STRN: variants seen among roughly 807,000 people sequenced by gnomAD.
The protein encoded by STRN is striatin, also known as protein phosphatase 2 regulatory subunit B'''alpha.
A neutral mutation model predicts 96.3 loss-of-function variants in STRN; 53 were observed. The observed-to-expected ratio is 0.55, with a 90% CI of 0.44 to 0.69. The LOEUF (loss-of-function observed/expected upper bound fraction) is 0.69, where lower values mean the gene tolerates loss of function less well. Among genes scored for constraint, STRN ranks in the 30% least tolerant of loss-of-function variants. The pLI is 0.00. For synonymous variants in STRN, 428 were observed against 355.9 expected (o/e 1.20, Z -2.28); for missense variants, 987 against 963.9 (o/e 1.02, Z -0.32).
intron 1 of STRN, among the ~76,000 whole-genome samples, chr2:36,950,348 T>C (rs747700204): frequency 6.6e-6 from 1 of 151,708 alleles, no homozygotes. Flanking sequence ...CCTGAGTAGC[T>C]GGGATTACAG....
At chr2:36,953,178 C>A (rs1232533537) in intron 1 of STRN, among the ~76,000 whole-genome samples, 1 of 152,054 alleles carries the variant, frequency 6.6e-6, no homozygotes, top group Non-Finnish European at 1.5e-5. Flanking sequence ...TTGCCACACC[C>A]AAAATACCTA....
intron 10 of STRN, among the ~76,000 whole-genome samples, chr2:36,870,430 G>A (rs974452086): frequency 6.6e-6 from 1 of 152,118 alleles, no homozygotes; most frequent in African/African-American, 2.4e-5. Flanking sequence ...ATCAGACTAA[G>A]TTTAAATAAG....
intron 1 of STRN, among the ~76,000 whole-genome samples, chr2:36,936,596 A>C (rs1389696275): frequency 6.6e-6 from 1 of 152,214 alleles, no homozygotes; most frequent in Non-Finnish European, 1.5e-5. Context: ...CATGTATGTA[A>C]GTGACTAATA....
At chr2:36,891,552 T>C (rs1359899309) in intron 7 of STRN, among the ~76,000 whole-genome samples, 1 of 152,092 alleles carries the variant, frequency 6.6e-6, no homozygotes, top group East Asian at 1.9e-4. Context: ...AATGCCCTTA[T>C]TATAATGGTT....
intron 7 of STRN, among the ~76,000 whole-genome samples, chr2:36,887,968 C>A (rs1669283919): frequency 6.6e-6 from 1 of 152,182 alleles, no homozygotes. Flanking sequence ...ATTAGGAAGT[C>A]TAACAGATAC....
At chr2:36,964,684 A>G in intron 1 of STRN, among the ~76,000 whole-genome samples, 1 of 152,208 alleles carries the variant, frequency 6.6e-6, no homozygotes, top group Middle Eastern at 3.2e-3. Context: ...CATCTCTCAG[A>G]GGCCTACCCT....
chr2:36,863,392 T>C (rs1253623054), intron 12 of STRN, among the ~76,000 whole-genome samples: 1 of 152,248 alleles, frequency 6.6e-6, no homozygotes, highest in East Asian at 1.9e-4. Flanking sequence ...CTTCTGCATA[T>C]GGCTAGCCAT....
rs552088090 is a variant in STRN, at chr2:36,906,439, A to G, written c.413-821T>C. On this transcript the variant is annotated intron_variant, in intron 3 of 17. Coordinates refer to ENST00000263918, the MANE Select transcript of STRN (RefSeq NM_003162.4). ...GTGCCACTGTACTCCAGCCTAGGCAACAGAGGGAGGCTCTGTCTCAAAACA... is the reference window on the plus strand; with the variant it reads ...GTGCCACTGTACTCCAGCCTAGGCAGCAGAGGGAGGCTCTGTCTCAAAACA... 1.6e-3 allele frequency among the ~76,000 whole-genome samples: 248 copies of G among 150,812 alleles called. 1 individual carries two copies. The highest frequency in any genetic ancestry group is 2.9e-3 in the Admixed American group (44 of 15,100).
At chr2:36,858,747 G>A (rs1177258070) in intron 13 of STRN, among the ~76,000 whole-genome samples, 6 of 152,206 alleles carry the variant, frequency 3.9e-5, no homozygotes, top group African/African-American at 1.4e-4. Context: ...TATATCCTCT[G>A]TCACACATAC....
Position 36,881,068 on chromosome 2 carries a change from A to AAAAACAAAAC in STRN, c.1186+2854_1186+2863dup, listed in dbSNP as rs3081782. 4.0e-5 allele frequency among the ~76,000 whole-genome samples: 6 copies of AAAAACAAAAC among 151,108 alleles called. No individual in the cohort carries two copies. In the East Asian group the frequency reaches 5.8e-4, roughly 15 times the overall value. ...TCCTAGCCCTAATCAGCTTTTACCAAAAAACAAAACAAAACAAAACCCTGT... is the reference window on the plus strand; with the variant it reads ...TCCTAGCCCTAATCAGCTTTTACCAAAAAACAAAACAAAACAAAACAAAACAAAACCCTGT... On this transcript the variant is annotated intron_variant, in intron 9 of 17. Coordinates refer to ENST00000263918, the MANE Select transcript of STRN (RefSeq NM_003162.4).
chr2:36,868,002 T>G, intron 11 of STRN, 141 bp from the exon 12 acceptor site: 1 of 472,276 alleles, frequency 2.1e-6, no homozygotes, highest in Non-Finnish European at 3.7e-6. Flanking sequence ...GAAAGCTTAC[T>G]TAACACCAAT....
At chr2:36,903,743 T>C (rs1207965151) in intron 4 of STRN, among the ~76,000 whole-genome samples, 2 of 152,218 alleles carry the variant, frequency 1.3e-5, no homozygotes, top group Non-Finnish European at 2.9e-5. Context: ...TAAGTGTATC[T>C]TACCAAATCA....
intron 9 of STRN, among the ~76,000 whole-genome samples, chr2:36,880,467 C>T (rs1192769165): frequency 2.0e-5 from 3 of 152,142 alleles, no homozygotes; most frequent in Non-Finnish European, 2.9e-5. Context: ...TAGTTACTTG[C>T]TTTTAAAAAC....
chr2:36,900,745 T>C (rs554885731), intron 5 of STRN, among the ~76,000 whole-genome samples: 11 of 151,858 alleles, frequency 7.2e-5, no homozygotes, highest in Non-Finnish European at 1.3e-4. Context: ...ATACAAAAAT[T>C]AGCTGGGTGT....
chr2:36,958,797 A>G (rs963015874), intron 1 of STRN, among the ~76,000 whole-genome samples: 3 of 152,172 alleles, frequency 2.0e-5, no homozygotes, highest in Non-Finnish European at 4.4e-5. Context: ...CCACAAATTC[A>G]AGGAGTCTAA....
chr2:36,869,700 C>T lies in STRN; in HGVS notation c.1353G>A (p.Lys451=), dbSNP rs759751534. 1.9e-6 allele frequency: 3 copies of T among 1,607,800 alleles called. No individual in the cohort carries two copies. The East Asian group carries it at 6.7e-5, about 36-fold the overall frequency. ...DIANNKDALR[K]TWNPKFTLRS... is the part of the protein sequence containing the mutation. Reference sequence around the variant, plus strand: ...TCAATGTAAACTTAGGGTTCCATGTCTTCCTCAATGCATCTTTATTGTTTG... The same window carrying T: ...TCAATGTAAACTTAGGGTTCCATGTTTTCCTCAATGCATCTTTATTGTTTG... The change falls in exon 11 of 18, where the codon AAG becomes AAA. Residue 451 remains lysine, a synonymous_variant. Coordinates refer to ENST00000263918, the MANE Select transcript of STRN (RefSeq NM_003162.4).
At chr2:36,852,456 C>T (rs559711852) in intron 15 of STRN, among the ~76,000 whole-genome samples, 3 of 152,210 alleles carry the variant, frequency 2.0e-5, no homozygotes, top group African/African-American at 7.2e-5. Flanking sequence ...TACACTACAT[C>T]AGAGAATGCC....
Position 36,912,345 on chromosome 2 carries a change from C to G in STRN, c.412+3733G>C, listed in dbSNP as rs527636370. ...CCTTCACCTTCACAACCTAAGCTTC[C>G]TGAAAGCTAACTATACCCACTTTAT... On this transcript the variant is annotated intron_variant, in intron 3 of 17. Coordinates refer to ENST00000263918, the MANE Select transcript of STRN (RefSeq NM_003162.4). 4.5e-4 allele frequency among the ~76,000 whole-genome samples: 68 copies of G among 152,310 alleles called. 1 individual carries two copies. Among genetic ancestry groups the G allele is most frequent in the African/African-American group, 1.6e-3 (65 of 41,566 alleles).
intron 14 of STRN, among the ~76,000 whole-genome samples, chr2:36,857,449 C>T (rs1175570311): frequency 1.3e-5 from 2 of 151,644 alleles, no homozygotes; most frequent in Non-Finnish European, 2.9e-5. Flanking sequence ...CTGAGGCAGG[C>T]GAATCACTTG....
Sources: allele counts gnomAD v4.1 joint callset (sites outside exome capture counted in the v4.1 genomes callset), GRCh38; gene constraint gnomAD v4.1.1; transcripts MANE v1.5; gene names NCBI Gene and HGNC (gene_info 2026-07-23, HGNC 2026-07-21).